Variants in DYSF observed in about 807,000 individuals in gnomAD.
DYSF encodes dystrophy-associated fer-1-like 1.
Under a neutral mutation model 274.9 loss-of-function variants are expected in DYSF, and 212 were observed. The ratio of observed to expected loss-of-function variants is 0.77; its 90% CI spans 0.69 to 0.86. The LOEUF is 0.86. Ranked by LOEUF, DYSF falls within the 40% of genes least tolerant of loss-of-function variation. The probability of loss-of-function intolerance (pLI) is 0.00; values close to 1 mark genes in which losing one functional copy is unlikely to be tolerated. For synonymous variants in DYSF, 1,091 were observed against 1,078.7 expected (o/e 1.01, Z -0.22); for missense variants, 2,666 against 2,783.2 (o/e 0.96, Z 0.95).
intron 41 of DYSF, among the ~76,000 whole-genome samples, chr2:71,633,853 C>T (rs1192204897): frequency 2.6e-5 from 4 of 152,176 alleles, no homozygotes; most frequent in Non-Finnish European, 5.9e-5. Context: ...TGCCCCCTGT[C>T]TCCTGCTTCC....
In DYSF at chr2:71,561,731, C is replaced by T. The variant is rs369725390; in HGVS notation, c.2217-21C>T. The T allele has an allele frequency of 3.2e-5, 52 of 1,613,968 alleles. 1 individual carries two copies. The South Asian group carries it at 4.7e-4, about 15-fold the overall frequency. ...GAGCCCTGGGCTCATCAGGCGCATT[C>T]CATCTGTCCGTCCCTCACAGCCAGC... On this transcript the variant is annotated intron_variant, in intron 22 of 55. Transcript: ENST00000410020.
At chr2:71,557,008 CTT>C (rs1186672711) in intron 22 of DYSF, among the ~76,000 whole-genome samples, 1 of 152,166 alleles carries the variant, frequency 6.6e-6, no homozygotes, top group East Asian at 1.9e-4. Flanking sequence ...GGAAGTGTAT[CTT>C]TATCAAAATA....
At position 71,600,787 on chromosome 2, in the gene DYSF, G is replaced by A. The variant is rs200330006; in HGVS notation, c.3842G>A (p.Gly1281Asp). The A allele has an allele frequency of 6.2e-7, 1 of 1,612,678 alleles. No homozygotes were observed. The highest frequency in any genetic ancestry group is 8.5e-7 in the Non-Finnish European group (1 of 1,179,926). ...CTGGCCTGGTTCCCACTGACGAGGGGCAGCCAGCCGTCGGGGGAGCTGCTG... is the reference window on the plus strand; with the variant it reads ...CTGGCCTGGTTCCCACTGACGAGGGACAGCCAGCCGTCGGGGGAGCTGCTG... ...PRLAWFPLTRGSQPSGELLAS... is the reference protein window; with the variant it reads ...PRLAWFPLTRDSQPSGELLAS... The change falls in exon 34 of 56, where the codon GGC (glycine) becomes GAC (aspartate). Residue 1281 changes from glycine (G) to aspartate (D), a missense_variant. Transcript: ENST00000410020.
At position 71,566,229 on chromosome 2, in the gene DYSF, G is replaced by A. The variant is rs146569938; in HGVS notation, c.2566-1722G>A. Among the ~76,000 whole-genome samples the A allele has an allele frequency of 7.7e-3, 1,169 of 150,938 alleles. 18 individuals carry two copies. The highest frequency in any genetic ancestry group is 0.027 in the African/African-American group (1,113 of 41,022). On this transcript the variant is annotated intron_variant, in intron 24 of 55. Coordinates refer to ENST00000410020, the MANE Select transcript of DYSF (RefSeq NM_001130987.2). The stretch of plus-strand genomic sequence containing the variant: ...GGCGGTCTGCGAGAGTGGCGGGGGC[G>A]GGGCGGGGGGTGCTGCTGAATTGTG...
At chr2:71,668,702 A>G (rs1394254968) in intron 48 of DYSF, 52 bp from the exon 49 acceptor site, 2 of 1,544,350 alleles carry the variant, frequency 1.3e-6, no homozygotes, top group Non-Finnish European at 1.8e-6. Flanking sequence ...GGTGCTTGGT[A>G]ACAGCTGGTT....
At position 71,612,717 on chromosome 2, in the gene DYSF, C is replaced by T. The variant is rs2093793423; in HGVS notation, c.4298C>T (p.Pro1433Leu). Residue 1433 changes from proline (P) to leucine (L), a missense_variant, in exon 39 of 56, where the codon CCT (proline) becomes CTT (leucine). Pro to Leu is a moderately conservative substitution (Grantham distance 98). This residue lies in a region of DYSF where 1,460 missense variants were observed against 1,502.1 expected (regional missense o/e 0.97). Coordinates refer to ENST00000410020, the MANE Select transcript of DYSF (RefSeq NM_001130987.2). ...GATAACCGCCAGTTTGGCCGCCGGC[C>T]TGTGGTGGGCCAGTGTACCATCCGC... is the stretch of plus-strand genomic sequence containing the variant. ...VIDNRQFGRR[P>L]VVGQCTIRSL... is the part of the protein sequence containing the mutation. The T allele has an allele frequency of 1.2e-6, 2 of 1,614,208 alleles. No individual in the cohort carries two copies. The highest frequency in any genetic ancestry group is 1.7e-5 in the Admixed American group (1 of 60,026).
upstream of DYSF, among the ~76,000 whole-genome samples, chr2:71,465,277 C>T (rs561251278): frequency 1.3e-5 from 2 of 152,050 alleles, no homozygotes; most frequent in South Asian, 4.2e-4. Flanking sequence ...GTGGGGAGTA[C>T]GGGTGATTCA....
chr2:71,616,826 T>C (rs1177843965), intron 40 of DYSF, among the ~76,000 whole-genome samples: 1 of 152,218 alleles, frequency 6.6e-6, no homozygotes, highest in South Asian at 2.1e-4. Flanking sequence ...TTCTTTCCTC[T>C]TCTTTTTAGG....
intron 36 of DYSF, among the ~76,000 whole-genome samples, chr2:71,603,293 AG>A (rs1223254910): frequency 3.3e-5 from 5 of 152,274 alleles, no homozygotes; most frequent in African/African-American, 1.2e-4. Flanking sequence ...GGGACCTCCT[AG>A]GGACGGGAAG....
chr2:71,677,854 A>G (rs2095245954), intron 52 of DYSF, among the ~76,000 whole-genome samples: 1 of 152,200 alleles, frequency 6.6e-6, no homozygotes, highest in Non-Finnish European at 1.5e-5. Flanking sequence ...GTGTACCCCA[A>G]AGAATTGAAA....
In DYSF at chr2:71,667,408, C is replaced by G; in HGVS notation, c.5350C>G (p.Pro1784Ala). 6.2e-7 allele frequency: 1 copy of G among 1,614,136 alleles called. No individual in the cohort carries two copies. The highest frequency in any genetic ancestry group is 8.5e-7 in the Non-Finnish European group (1 of 1,180,042). The change falls in exon 48 of 56, where the codon CCA (proline) becomes GCA (alanine). Residue 1784 changes from proline (P) to alanine (A), a missense_variant. Physicochemically the swap from Pro to Ala is conservative, Grantham distance 27. Around this residue, in one of 3 missense-constraint regions of DYSF, gnomAD observed 1,460 missense variants for 1,502.1 expected, o/e 0.97. Coordinates refer to ENST00000410020, the MANE Select transcript of DYSF (RefSeq NM_001130987.2). The part of the protein sequence containing the change: ...AGRIPNPHLG[P>A]VEERLALHVL... ...CAGGATCCCAAACCCACACCTGGGC[C>G]CAGTGGAGGAGCGTCTGGCTCTGCA...
In DYSF at chr2:71,553,923, G is replaced by T; in HGVS notation, c.2101G>T (p.Asp701Tyr). 6.2e-7 allele frequency: 1 copy of T among 1,614,176 alleles called. No homozygotes were observed. Among genetic ancestry groups the T allele is most frequent in the South Asian group, 1.1e-5 (1 of 91,076 alleles). The change falls in exon 21 of 56, where the codon GAC (aspartate) becomes TAC (tyrosine). Residue 701 changes from aspartate to tyrosine, a missense_variant. Transcript: ENST00000410020. ...ETQNQLLGIA[D>Y]RLEAGLEQVH... ...TCAGAACCAGCTGCTTGGGATTGCTGACCGGCTGGTGAGTGAAAACTTGCC... is the reference window on the plus strand; with the variant it reads ...TCAGAACCAGCTGCTTGGGATTGCTTACCGGCTGGTGAGTGAAAACTTGCC...
intron 13 of DYSF, 72 bp downstream of exon 13, chr2:71,526,418 T>TGGGGGGGGGGGGGGGGGGGGGGGTGTG: frequency 3.8e-6 from 1 of 261,506 alleles, no homozygotes; most frequent in East Asian, 9.4e-5. Flanking sequence ...GGGTGGGCGA[T>TGGGGGGGGGGGGGGGGGGGGGGGTGTG]GGCGGGCGGG....
In DYSF at chr2:71,665,149, G is replaced by A. The variant is rs752307924; in HGVS notation, c.5175-13G>A. The A allele has an allele frequency of 2.5e-6, 4 of 1,613,380 alleles. No homozygotes were observed. The highest frequency in any genetic ancestry group is 2.5e-6 in the Non-Finnish European group (3 of 1,180,030). On this transcript the variant is annotated splice_polypyrimidine_tract_variant and intron_variant, in intron 46 of 55. Coordinates refer to ENST00000410020, the MANE Select transcript of DYSF (RefSeq NM_001130987.2). ...TTGAAGCATCTCATCTATGTCTTGT[G>A]CTTGCTCCTCAGCTCTGGACCGAAC...
chr2:71,508,908 A>AGT (rs367792621), intron 4 of DYSF, among the ~76,000 whole-genome samples: 131 of 152,306 alleles, frequency 8.6e-4, no homozygotes, highest in African/African-American at 2.8e-3. Context: ...GCTGGAGTGC[A>AGT]GTGGCACGAT....
rs200243172 is a variant in DYSF at position 71,571,762 on chromosome 2, G to C, written c.3228+1021G>C. Among the ~76,000 whole-genome samples, 287 of 114,418 alleles carry C rather than the reference G, an allele frequency of 2.5e-3. 6 individuals are homozygous for C. In the East Asian group the frequency reaches 0.055, roughly 22 times the overall value. 75.1% of individuals were successfully genotyped at this position (114,418 alleles called of 152,430 possible). The stretch of plus-strand genomic sequence containing the variant: ...ACACAGATCACAGTCAGCACACACA[G>C]ATCACACCCAGCACACACACAGATC... On this transcript the variant is annotated intron_variant, in intron 29 of 55. Transcript: ENST00000410020.
intron 36 of DYSF, among the ~76,000 whole-genome samples, chr2:71,603,505 C>G (rs1192013715): frequency 6.6e-6 from 1 of 152,174 alleles, no homozygotes; most frequent in Admixed American, 6.5e-5. Flanking sequence ...CAGCCACTTC[C>G]TGCCATTAGG....
At chr2:71,603,608 C>T (rs1434338512) in intron 36 of DYSF, among the ~76,000 whole-genome samples, 1 of 152,212 alleles carries the variant, frequency 6.6e-6, no homozygotes, top group Non-Finnish European at 1.5e-5. Context: ...ACAGGCCCCG[C>T]ACCCCTTACC....
At chr2:71,486,554 A>T (rs2083382045) in intron 3 of DYSF, among the ~76,000 whole-genome samples, 1 of 151,890 alleles carries the variant, frequency 6.6e-6, no homozygotes, top group African/African-American at 2.4e-5. Flanking sequence ...GTTTAGGGTG[A>T]TCTTGTTAAA....
Sources: allele counts gnomAD v4.1 joint callset (sites outside exome capture counted in the v4.1 genomes callset), GRCh38; gene constraint gnomAD v4.1.1; regional missense constraint gnomAD v4.1.1; transcripts MANE v1.5; gene names NCBI Gene and HGNC (gene_info 2026-07-23, HGNC 2026-07-21).